NTN1: variants seen among roughly 807,000 people sequenced by gnomAD.
The protein encoded by NTN1 is netrin 1, also known as netrin-1.
In NTN1, 11 loss-of-function variants were observed where a neutral mutation model predicts 54.2. The observed-to-expected ratio is 0.20, with a 90% confidence interval of 0.13 to 0.34. NTN1 has a LOEUF of 0.34. Ranked by LOEUF, NTN1 falls within the 10% of genes least tolerant of loss-of-function variation. The pLI is 1.00. For missense variants in NTN1, 740 were observed against 893.1 expected, an observed-to-expected ratio of 0.83 and a Z score of 2.18; for synonymous variants, 371 against 382.0, an observed-to-expected ratio of 0.97 and a Z score of 0.33.
intron 2 of NTN1, among the ~76,000 whole-genome samples, chr17:9,127,962 G>A (rs1023361882): frequency 2.0e-5 from 3 of 149,828 alleles, no homozygotes; most frequent in African/African-American, 7.4e-5. Context: ...ACTAAAAATA[G>A]AAAAATTAGC....
chr17:9,095,630 A>C (rs896318620), intron 2 of NTN1, among the ~76,000 whole-genome samples: 1 of 152,216 alleles, frequency 6.6e-6, no homozygotes, highest in Non-Finnish European at 1.5e-5. Context: ...TTAGGGCATG[A>C]ATCCCATGAT....
intron 2 of NTN1, among the ~76,000 whole-genome samples, chr17:9,069,048 T>C (rs1027503940): frequency 6.6e-5 from 10 of 152,178 alleles, no homozygotes; most frequent in Non-Finnish European, 1.3e-4. Flanking sequence ...CTTCAAAGTA[T>C]GGAGCTGAAT....
At chr17:9,222,048 C>T (rs1451626301) in intron 6 of NTN1, among the ~76,000 whole-genome samples, 2 of 152,238 alleles carry the variant, frequency 1.3e-5, no homozygotes, top group African/African-American at 4.8e-5. Flanking sequence ...ACAGCCAGGG[C>T]ATCCATGTGG....
At chr17:9,184,042 G>A (rs2092426441) in intron 5 of NTN1, among the ~76,000 whole-genome samples, 1 of 152,182 alleles carries the variant, frequency 6.6e-6, no homozygotes, top group Non-Finnish European at 1.5e-5. Context: ...CCCCAGAAAG[G>A]ACTGTAGCGA....
In NTN1 at chr17:9,141,298, G is replaced by T. The variant is rs7213264; in HGVS notation, c.1019-21515G>T. On this transcript the variant is annotated intron_variant, in intron 2 of 6. Transcript: ENST00000173229. Reference sequence around the variant, plus strand: ...GGAAGAACGCCAGCTTTAATGAGGGGGGGGAGAAGGGCAAGCATGAAAGGG... The same window carrying T: ...GGAAGAACGCCAGCTTTAATGAGGGTGGGGAGAAGGGCAAGCATGAAAGGG... Among the ~76,000 whole-genome samples, 42 of 151,962 alleles carry T rather than the reference G, an allele frequency of 2.8e-4. No homozygotes were observed. The East Asian group carries it at 5.2e-3, about 19-fold the overall frequency.
At chr17:9,027,456 C>T (rs886853298) in intron 2 of NTN1, among the ~76,000 whole-genome samples, 4 of 152,100 alleles carry the variant, frequency 2.6e-5, no homozygotes, top group African/African-American at 9.7e-5. Flanking sequence ...GGGACTCCAG[C>T]CTGACGTTTG....
At chr17:9,097,486 A>G (rs9907111) in intron 2 of NTN1, among the ~76,000 whole-genome samples, 123,363 of 152,104 alleles carry the variant, frequency 0.81, 50,419 homozygotes, top group East Asian at 0.96. Context: ...TTAGCTGGGT[A>G]TATTGGCATG....
At chr17:9,007,329 C>T in the NTN1 span, among the ~76,000 whole-genome samples, 2 of 139,880 alleles carry the variant, frequency 1.4e-5, no homozygotes, top group Admixed American at 7.2e-5. Flanking sequence ...TTTCTTTCTT[C>T]CTTTTTTCTT....
intron 2 of NTN1, among the ~76,000 whole-genome samples, chr17:9,083,447 C>T (rs796843210): frequency 7.9e-5 from 12 of 152,306 alleles, no homozygotes; most frequent in African/African-American, 2.4e-4. Context: ...CTCCTTGCCA[C>T]GTGATTGATC....
chr17:9,023,012 C>T lies in NTN1; in HGVS notation c.639C>T (p.Leu213=). ...CTDSHTDMRP[L]SGGLIAFSTL... ...ACTCGCACACCGACATGCGCCCGCT[C>T]TCGGGCGGCCTCATCGCCTTCAGCA... The change falls in exon 2 of 7, where the codon CTC becomes CTT. Residue 213 remains leucine, a synonymous_variant. Coordinates refer to ENST00000173229, the MANE Select transcript of NTN1 (RefSeq NM_004822.3). 1 of 1,603,960 alleles carries T rather than the reference C, an allele frequency of 6.2e-7. No individual in the cohort carries two copies. Among genetic ancestry groups the T allele is most frequent in the Non-Finnish European group, 8.5e-7 (1 of 1,176,440 alleles).
At chr17:9,238,537 T>G (rs973032093) in intron 6 of NTN1, among the ~76,000 whole-genome samples, 25 of 149,400 alleles carry the variant, frequency 1.7e-4, no homozygotes, top group African/African-American at 5.4e-4. Flanking sequence ...CCCCAGCAGG[T>G]CCCCAAGAAG....
chr17:9,095,171 C>T (rs1473643293), intron 2 of NTN1, among the ~76,000 whole-genome samples: 1 of 152,084 alleles, frequency 6.6e-6, no homozygotes, highest in African/African-American at 2.4e-5. Context: ...TATTTGTGAG[C>T]ATTCTTTGAA....
chr17:9,044,125 A>G (rs1444131285), intron 2 of NTN1, among the ~76,000 whole-genome samples: 6 of 151,592 alleles, frequency 4.0e-5, no homozygotes, highest in African/African-American at 1.5e-4. Context: ...TGTAGTTTTG[A>G]TATTCCTTTT....
At position 9,078,745 on chromosome 17, in the gene NTN1, CAA is replaced by C. The variant is rs774269396; in HGVS notation, c.1018+55355_1018+55356del. 3.3e-5 allele frequency among the ~76,000 whole-genome samples: 5 copies of C among 152,266 alleles called. No individual in the cohort carries two copies. In the East Asian group the frequency reaches 9.6e-4, roughly 29 times the overall value. On this transcript the variant is annotated intron_variant, in intron 2 of 6. Transcript: ENST00000173229. The stretch of plus-strand genomic sequence containing the variant: ...AGAGAAACCATCCCTGGAATGTCCC[CAA>C]GGAAAACTTGATCTCTGGAGTCACC...
At chr17:9,110,797 C>A (rs2092187631) in intron 2 of NTN1, among the ~76,000 whole-genome samples, 1 of 152,148 alleles carries the variant, frequency 6.6e-6, no homozygotes, top group Admixed American at 6.5e-5. Flanking sequence ...CAACCCGTAG[C>A]ATTCTTTACT....
rs113893303 is a variant in NTN1 at position 9,221,147 on chromosome 17, TC to T, written c.1412-13del. ...CAGCCTAATTAGTTTTTGTCTGTGC[TC>T]CCCCCCCACCCCCCTGCAGACTGCG... On this transcript the variant is annotated intron_variant, in intron 5 of 6. Transcript: ENST00000173229. The surrounding 1 kb of genome is among the most constrained non-coding windows in gnomAD (Gnocchi z 4.5). 2.0e-4 allele frequency: 261 copies of T among 1,303,988 alleles called. 1 individual carries two copies. The highest frequency in any genetic ancestry group is 1.5e-3 in the East Asian group (45 of 29,416). 80.8% of individuals were successfully genotyped at this position (1,303,988 alleles called of 1,614,324 possible).
chr17:9,042,831 A>G (rs1206068755), intron 2 of NTN1, among the ~76,000 whole-genome samples: 2 of 151,626 alleles, frequency 1.3e-5, no homozygotes, highest in Non-Finnish European at 2.9e-5. Context: ...TTGTCACTTT[A>G]TATTGCCTTT....
intron 2 of NTN1, among the ~76,000 whole-genome samples, chr17:9,026,528 A>G (rs1880646): frequency 0.3 from 45,771 of 151,900 alleles, 7,112 homozygotes; most frequent in East Asian, 0.54. Context: ...ACATGCTTTT[A>G]TACACATGTG....
chr17:9,022,200 G>C (rs1242164518), intron 1 of NTN1, 111 bp from the exon 2 acceptor site: 1 of 706,570 alleles, frequency 1.4e-6, no homozygotes, highest in Non-Finnish European at 2.0e-6. Context: ...AGTCGGCTGC[G>C]GGGTGGGTGC....
Sources: gnomAD v4.1 joint callset for allele counts (sites outside exome capture counted in the v4.1 genomes callset) on GRCh38, gnomAD v4.1.1 for gene constraint, Gnocchi (gnomAD v3.1) non-coding constraint, MANE v1.5 for transcripts, NCBI Gene and HGNC (gene_info 2026-07-23, HGNC 2026-07-21) for gene names.